ADAM22: variants seen among roughly 807,000 people sequenced by gnomAD.
ADAM22 encodes ADAM metallopeptidase domain 22, also known as disintegrin and metalloproteinase domain-containing protein 22.
ADAM22 carries 65 observed loss-of-function variants against 144.6 expected under a neutral mutation model. The ratio of observed to expected loss-of-function variants is 0.45; its 90% CI spans 0.37 to 0.55. ADAM22 has a LOEUF of 0.55. Ranked by LOEUF, ADAM22 falls within the 20% of genes least tolerant of loss-of-function variation. ADAM22 has a pLI of 0.00. For synonymous variants in ADAM22, 391 were observed against 412.6 expected (o/e 0.95, Z 0.63); for missense variants, 974 against 1,184.9 (o/e 0.82, Z 2.61).
chr7:88,194,205 GT>G (rs1317471169), intron 31 of ADAM22, among the ~76,000 whole-genome samples: 1 of 152,130 alleles, frequency 6.6e-6, no homozygotes, highest in East Asian at 1.9e-4. Context: ...CTGCTAAATT[GT>G]CTGCATCCCT....
chr7:88,116,183 A>G (rs1323553149), intron 6 of ADAM22, among the ~76,000 whole-genome samples: 1 of 151,928 alleles, frequency 6.6e-6, no homozygotes, highest in African/African-American at 2.4e-5. Flanking sequence ...TTTTTTTAGT[A>G]ATTGGATGAA....
intron 3 of ADAM22, among the ~76,000 whole-genome samples, chr7:88,054,526 G>C (rs1233225030): frequency 2.0e-5 from 3 of 150,812 alleles, no homozygotes; most frequent in South Asian, 2.1e-4. Flanking sequence ...AAACATCCTT[G>C]CTCCATAATC....
rs140512766 is a variant in ADAM22, at chr7:88,128,753, A to G, written c.753+77A>G. ...GAGTGCAAAAATATGTTTAGAAAAA[A>G]CAAGAAGCCCATCAAGTTGTAACCT... On this transcript the variant is annotated intron_variant, in intron 9 of 31. Transcript: ENST00000413139. The G allele has an allele frequency of 9.2e-5, 109 of 1,182,052 alleles. No individual in the cohort carries two copies. The African/African-American group carries it at 1.0e-3, about 11-fold the overall frequency. The allele number at this position is 1,182,052 out of a possible 1,614,324, so 73.2% of individuals were successfully genotyped here.
At chr7:87,960,926 G>C (rs1210750053) in intron 2 of ADAM22, among the ~76,000 whole-genome samples, 2 of 152,070 alleles carry the variant, frequency 1.3e-5, no homozygotes, top group Non-Finnish European at 2.9e-5. Flanking sequence ...GTGCCTTTGG[G>C]ATACATCAGT....
At chr7:87,954,808 A>G (rs1289298989) in intron 2 of ADAM22, among the ~76,000 whole-genome samples, 2 of 152,270 alleles carry the variant, frequency 1.3e-5, no homozygotes, top group Middle Eastern at 3.4e-3. Flanking sequence ...GTCTTCTCAC[A>G]TAGTCCCATA....
chr7:88,007,134 A>C (rs1794111266), intron 3 of ADAM22, among the ~76,000 whole-genome samples: 1 of 152,230 alleles, frequency 6.6e-6, no homozygotes, highest in Non-Finnish European at 1.5e-5. Context: ...ATCATGAGTG[A>C]ACTCCCATTT....
intron 10 of ADAM22, among the ~76,000 whole-genome samples, chr7:88,130,820 A>C (rs1025536313): frequency 1.6e-4 from 25 of 152,136 alleles, no homozygotes; most frequent in African/African-American, 6.0e-4. Flanking sequence ...ATGGAACTAA[A>C]TAATTCCACT....
intron 3 of ADAM22, among the ~76,000 whole-genome samples, chr7:87,979,190 T>A (rs1852676558): frequency 1.3e-5 from 2 of 152,142 alleles, no homozygotes; most frequent in Admixed American, 1.3e-4. Context: ...AGGCCAGAAA[T>A]TCAGACAAAT....
intron 3 of ADAM22, among the ~76,000 whole-genome samples, chr7:88,008,676 C>T (rs1382280926): frequency 6.6e-6 from 1 of 151,878 alleles, no homozygotes; most frequent in Non-Finnish European, 1.5e-5. Flanking sequence ...CACATGTTCT[C>T]ACTCATAGAT....
chr7:88,080,869 A>T (rs986353907), intron 4 of ADAM22, among the ~76,000 whole-genome samples: 1 of 152,230 alleles, frequency 6.6e-6, no homozygotes. Flanking sequence ...AACCAAAAAA[A>T]GTCCAGGACC....
intron 2 of ADAM22, among the ~76,000 whole-genome samples, chr7:87,944,827 T>TG (rs1259400537): frequency 3.3e-5 from 5 of 151,338 alleles, no homozygotes; most frequent in African/African-American, 9.8e-5. Flanking sequence ...TTTTTTTTTT[T>TG]TTTGTTTTTT....
At chr7:88,094,313 A>G (rs1372402706) in intron 4 of ADAM22, among the ~76,000 whole-genome samples, 2 of 152,238 alleles carry the variant, frequency 1.3e-5, no homozygotes, top group Non-Finnish European at 2.9e-5. Flanking sequence ...TATTATTTCC[A>G]AAGTTCAAAA....
At chr7:88,176,394 G>A (rs910751547) in intron 26 of ADAM22, among the ~76,000 whole-genome samples, 1 of 152,158 alleles carries the variant, frequency 6.6e-6, no homozygotes, top group Non-Finnish European at 1.5e-5. Flanking sequence ...AATCTAATCT[G>A]CTCAACCTAA....
intron 10 of ADAM22, among the ~76,000 whole-genome samples, chr7:88,130,752 A>G (rs1373649031): frequency 1.3e-5 from 2 of 152,128 alleles, no homozygotes; most frequent in Non-Finnish European, 1.5e-5. Context: ...GTGACTTATA[A>G]CGATGGAGAA....
chr7:88,153,380 T>C, intron 21 of ADAM22, 54 bp downstream of exon 21: 2 of 1,445,482 alleles, frequency 1.4e-6, no homozygotes, highest in East Asian at 2.3e-5. Context: ...ACAAGTGTAC[T>C]TTTTTGAGTG....
intron 27 of ADAM22, among the ~76,000 whole-genome samples, chr7:88,179,946 C>G (rs1476699840): frequency 6.6e-6 from 1 of 152,032 alleles, no homozygotes; most frequent in Non-Finnish European, 1.5e-5. Context: ...ACATTAGCTA[C>G]TTTTCAGAGT....
rs1306601268 is a variant in ADAM22, at chr7:88,171,525, T to G, written c.2283-19T>G. The G allele has an allele frequency of 6.3e-7, 1 of 1,586,078 alleles. No homozygotes were observed. The highest frequency in any genetic ancestry group is 1.8e-5 in the Admixed American group (1 of 54,818). On this transcript the variant is annotated intron_variant, in intron 25 of 31. Transcript: ENST00000413139. ...TAACTCTTATGTTTTTCCCTCTTTC[T>G]CTTCTTGTCCATGAAAAGAAACTAT... is the stretch of plus-strand genomic sequence containing the variant.
chr7:88,128,352 G>A (rs1434731573), intron 8 of ADAM22, among the ~76,000 whole-genome samples: 1 of 151,996 alleles, frequency 6.6e-6, no homozygotes, highest in African/African-American at 2.4e-5. Context: ...GAAGGACTAG[G>A]AACTGAGTAG....
At chr7:87,953,665 T>G (rs1285182137) in intron 2 of ADAM22, among the ~76,000 whole-genome samples, 7 of 152,164 alleles carry the variant, frequency 4.6e-5, no homozygotes, top group African/African-American at 7.2e-5. Flanking sequence ...GGTCCGCTTG[T>G]TGCAGAGCTG....
Sources: gnomAD v4.1 joint callset for allele counts (sites outside exome capture counted in the v4.1 genomes callset) on GRCh38, gnomAD v4.1.1 for gene constraint, MANE v1.5 for transcripts, NCBI Gene and HGNC (gene_info 2026-07-23, HGNC 2026-07-21) for gene names.